STK3: variants seen among roughly 807,000 people sequenced by gnomAD.
STK3 encodes the protein serine/threonine-protein kinase 3.
In STK3, 41 loss-of-function variants were observed where a neutral mutation model predicts 58.0. The ratio of observed to expected loss-of-function variants is 0.71; its 90% CI spans 0.55 to 0.92. The LOEUF is 0.92. Ranked by LOEUF, STK3 falls within the 40% of genes least tolerant of loss-of-function variation. The probability of loss-of-function intolerance (pLI) is 0.00; values close to 1 mark genes in which losing one functional copy is unlikely to be tolerated. For missense variants in STK3, 479 were observed against 602.7 expected (o/e 0.79, Z 2.15); for synonymous variants, 170 against 191.0 (o/e 0.89, Z 0.91).
chr8:98,668,516 TAA>T (rs763324796), intron 6 of STK3, among the ~76,000 whole-genome samples: 4 of 152,188 alleles, frequency 2.6e-5, no homozygotes, highest in African/African-American at 4.8e-5. Context: ...CAAAAAAGCT[TAA>T]AGTTTCAGTA....
At chr8:98,673,995 C>T (rs577655320) in intron 6 of STK3, among the ~76,000 whole-genome samples, 1 of 152,208 alleles carries the variant, frequency 6.6e-6, no homozygotes, top group East Asian at 1.9e-4. Context: ...CTCATTTTAA[C>T]AATTTATTTC....
chr8:98,369,728 C>A (rs751804925), downstream of STK3, among the ~76,000 whole-genome samples: 5 of 152,218 alleles, frequency 3.3e-5, no homozygotes, highest in Middle Eastern at 6.8e-3. Flanking sequence ...TTGAGTCACT[C>A]CATGGAGACG....
chr8:98,881,763 G>A (rs543818914), downstream of STK3: 13 of 152,134 alleles, frequency 8.5e-5, no homozygotes, highest in East Asian at 2.3e-3. Context: ...ATTTCCCTAT[G>A]AATTAATGAA....
chr8:98,549,218 C>T (rs1232475366), intron 8 of STK3, among the ~76,000 whole-genome samples: 1 of 152,144 alleles, frequency 6.6e-6, no homozygotes, highest in African/African-American at 2.4e-5. Context: ...TTTACACTCC[C>T]ACCAGCAATG....
Position 98,614,773 on chromosome 8 carries a change from C to T in STK3, c.685-18604G>A, listed in dbSNP as rs369202317. 4.2e-4 allele frequency among the ~76,000 whole-genome samples: 64 copies of T among 152,272 alleles called. 1 individual carries two copies. The highest frequency in any genetic ancestry group is 1.3e-3 in the African/African-American group (53 of 41,558). On this transcript the variant is annotated intron_variant, in intron 6 of 10. Coordinates refer to ENST00000419617, the MANE Select transcript of STK3 (RefSeq NM_006281.4). ...GACCGGCTTAAAAAACGGCGCACCA[C>T]GAGACTATATCCCACACCTGGCTTG...
intron 4 of STK3, among the ~76,000 whole-genome samples, chr8:98,737,850 G>T (rs1274205067): frequency 6.6e-6 from 1 of 152,052 alleles, no homozygotes; most frequent in African/African-American, 2.4e-5. Flanking sequence ...TGGGATTATA[G>T]GCACCTGCCA....
At chr8:98,861,020 A>C (rs1815836437) in intron 3 of STK3, among the ~76,000 whole-genome samples, 1 of 152,068 alleles carries the variant, frequency 6.6e-6, no homozygotes, top group South Asian at 2.1e-4. Flanking sequence ...AGATCACACC[A>C]CTACACTCCA....
chr8:98,710,599 C>G (rs534125885), intron 4 of STK3, among the ~76,000 whole-genome samples: 2 of 152,204 alleles, frequency 1.3e-5, no homozygotes, highest in South Asian at 4.1e-4. Flanking sequence ...GGGGGAGGGG[C>G]GCCTGCCATT....
At chr8:98,545,598 T>C (rs1378033851) in intron 9 of STK3, among the ~76,000 whole-genome samples, 2 of 152,076 alleles carry the variant, frequency 1.3e-5, no homozygotes, top group Non-Finnish European at 2.9e-5. Context: ...TGGTTAAAGG[T>C]ATAAAAGAGT....
In STK3 at chr8:98,686,935, A is replaced by T. The variant is rs537655605; in HGVS notation, c.684+19532T>A. 3.3e-5 allele frequency among the ~76,000 whole-genome samples: 5 copies of T among 152,302 alleles called. No homozygotes were observed. The South Asian group carries it at 1.0e-3, about 32-fold the overall frequency. On this transcript the variant is annotated intron_variant, in intron 6 of 10. Transcript: ENST00000419617. ...TTCAAGAAATATGAGATTATATAAA[A>T]TGACCAAATATGTGACTTACTGGCA...
At chr8:98,732,935 CAT>C (rs1407416698) in intron 4 of STK3, among the ~76,000 whole-genome samples, 1 of 152,166 alleles carries the variant, frequency 6.6e-6, no homozygotes, top group African/African-American at 2.4e-5. Context: ...ATGATCCTAA[CAT>C]AGAGCCATCA....
intron 6 of STK3, among the ~76,000 whole-genome samples, chr8:98,675,579 C>T (rs558822535): frequency 2.6e-5 from 4 of 152,128 alleles, no homozygotes; most frequent in East Asian, 1.9e-4. Context: ...AGCAGGGACT[C>T]GGGCTGGGCG....
chr8:98,777,321 G>A (rs1831760917), intron 1 of STK3, among the ~76,000 whole-genome samples: 1 of 152,092 alleles, frequency 6.6e-6, no homozygotes. Context: ...GAGCTCAGGA[G>A]TTCGAGACCA....
chr8:98,752,762 AAAAC>A (rs1301560541), intron 3 of STK3, among the ~76,000 whole-genome samples: 3 of 152,064 alleles, frequency 2.0e-5, no homozygotes, highest in East Asian at 1.9e-4. Context: ...CAAGAAAAAA[AAAAC>A]AAACAACCCC....
chr8:98,587,744 T>G (rs1428586231), intron 7 of STK3, among the ~76,000 whole-genome samples: 2 of 152,140 alleles, frequency 1.3e-5, no homozygotes, highest in Admixed American at 1.3e-4. Flanking sequence ...AGTCTCTTTG[T>G]AGGTCTCTAA....
intron 10 of STK3, among the ~76,000 whole-genome samples, chr8:98,484,754 A>G (rs903814470): frequency 4.6e-5 from 7 of 152,098 alleles, no homozygotes; most frequent in Non-Finnish European, 7.4e-5. Flanking sequence ...AATAGAAAAT[A>G]TAAGATTTAA....
rs190032624 is a variant in STK3, at chr8:98,884,291, A to G, written c.-78-457T>C. ...CGATGATATTCTAAGATGTGAGTCT[A>G]TTTTTATTTATTGCTCTGGGCACTT... is the stretch of plus-strand genomic sequence containing the variant. On this transcript the variant is annotated intron_variant, in intron 1 of 1. Transcript: ENST00000519420. 1.2e-4 allele frequency among the ~76,000 whole-genome samples: 18 copies of G among 152,278 alleles called. 1 individual carries two copies. The East Asian group carries it at 3.5e-3, about 29-fold the overall frequency.
At chr8:98,443,058 ATCTG>A (rs1818756908) in intron 1 of STK3, among the ~76,000 whole-genome samples, 1 of 152,024 alleles carries the variant, frequency 6.6e-6, no homozygotes, top group Non-Finnish European at 1.5e-5. Flanking sequence ...GATGTGAGGC[ATCTG>A]TCTGTTTTGT....
In STK3 at chr8:98,574,126, TGG is replaced by T. The variant is rs1446382320; in HGVS notation, c.948+5536_948+5537del. 6.6e-5 allele frequency among the ~76,000 whole-genome samples: 10 copies of T among 152,290 alleles called. No individual in the cohort carries two copies. The East Asian group carries it at 1.9e-3, about 29-fold the overall frequency. On this transcript the variant is annotated intron_variant, in intron 8 of 10. Coordinates refer to ENST00000419617, the MANE Select transcript of STK3 (RefSeq NM_006281.4). ...GCCACAGCCAAACCATATCAACTGT[TGG>T]CTATAGGAACCAGAAAAGTAACAGG... is the stretch of plus-strand genomic sequence containing the variant.
Sources: gnomAD v4.1 joint callset for allele counts (sites outside exome capture counted in the v4.1 genomes callset) on GRCh38, gnomAD v4.1.1 for gene constraint, MANE v1.5 for transcripts, NCBI Gene and HGNC (gene_info 2026-07-23, HGNC 2026-07-21) for gene names.